Variants in RFPL4AL1 observed in about 807,000 individuals in gnomAD.
RFPL4AL1 encodes the protein ret finger protein like 4A like 1, also known as ret finger protein-like 4A-like protein 1.
Under a neutral mutation model 8.2 loss-of-function variants are expected in RFPL4AL1, and 2 were observed. That is an observed-to-expected ratio of 0.24 (90% confidence interval 0.10 to 0.77). The LOEUF is 0.77. Ranked by LOEUF, RFPL4AL1 falls within the 30% of genes least tolerant of loss-of-function variation. RFPL4AL1 has a pLI of 0.72. For synonymous variants in RFPL4AL1, 25 were observed against 131.8 expected (o/e 0.19, Z 5.55); for missense variants, 57 against 350.3 (o/e 0.16, Z 6.68).
chr19:55,769,427 T>C (rs1190953748), intron 1 of RFPL4AL1, among the ~76,000 whole-genome samples: 1 of 151,840 alleles, frequency 6.6e-6, no homozygotes, highest in Non-Finnish European at 1.5e-5. Flanking sequence ...TCTGAAATGA[T>C]GGACAGAGGT....
In RFPL4AL1 at chr19:55,771,908, T is replaced by C. The variant is rs1228492585; in HGVS notation, c.104T>C (p.Leu35Pro). Residue 35 changes from leucine to proline, a missense_variant, in exon 2 of 3, where the codon CTC becomes CCC. Transcript: ENST00000341750. The stretch of plus-strand genomic sequence containing the variant: ...GGATATGCCTGCTGCCTCCAGTGCC[T>C]CAATTCACTCCAGAAGGAGCCCGAT... ...KCGYACCLQC[L>P]NSLQKEPDGE... 4 of 1,541,984 alleles carry C rather than the reference T, an allele frequency of 2.6e-6. No homozygotes were observed. The highest frequency in any genetic ancestry group is 3.5e-6 in the Non-Finnish European group (4 of 1,142,438).
chr19:55,771,079 G>GTTTTTTTTTTTTTTTTTTTTTTT (rs1243816491), intron 1 of RFPL4AL1, among the ~76,000 whole-genome samples: 1 of 89,520 alleles, frequency 1.1e-5, no homozygotes, highest in Non-Finnish European at 2.5e-5. Flanking sequence ...TTTTAGTTCT[G>GTTTTTTTTTTTTTTTTTTTTTTT]TTTTTTGTTT....
chr19:55,771,079 G>GTTTTTTTTTTTTTTTTTTTTTTTTTT (rs1243816491), intron 1 of RFPL4AL1, among the ~76,000 whole-genome samples: 6 of 89,510 alleles, frequency 6.7e-5, no homozygotes, highest in Non-Finnish European at 1.0e-4. Context: ...TTTTAGTTCT[G>GTTTTTTTTTTTTTTTTTTTTTTTTTT]TTTTTTGTTT....
chr19:55,769,697 T>A (rs531185289), intron 1 of RFPL4AL1, among the ~76,000 whole-genome samples: 1 of 151,948 alleles, frequency 6.6e-6, no homozygotes, highest in African/African-American at 2.4e-5. Flanking sequence ...ATTATTTCTT[T>A]AATTGTTTTG....
chr19:55,771,734 ACTATCAG>A, intron 1 of RFPL4AL1, 55 bp from the exon 2 acceptor site: 2 of 1,545,248 alleles, frequency 1.3e-6, no homozygotes, highest in Non-Finnish European at 1.7e-6. Flanking sequence ...AGCCCCAAAC[ACTATCAG>A]CTGTTCATTC....
At chr19:55,769,494 A>T (rs1989449596) in intron 1 of RFPL4AL1, among the ~76,000 whole-genome samples, 1 of 149,582 alleles carries the variant, frequency 6.7e-6, no homozygotes, top group African/African-American at 2.5e-5. Context: ...TTGTTTTCCT[A>T]TTCTCCCCTT....
intron 1 of RFPL4AL1, among the ~76,000 whole-genome samples, chr19:55,771,017 T>A (rs1408974894): frequency 1.3e-5 from 2 of 152,026 alleles, no homozygotes; most frequent in African/African-American, 4.8e-5. Flanking sequence ...ATATTCCTTA[T>A]ATATTTTGGA....
At chr19:55,771,086 G>GGTTTTTTTTTTTTTTTTTTTTTTTTTT (rs1555799526) in intron 1 of RFPL4AL1, among the ~76,000 whole-genome samples, 3 of 130,380 alleles carry the variant, frequency 2.3e-5, no homozygotes, top group Non-Finnish European at 3.2e-5. Flanking sequence ...TCTGTTTTTT[G>GGTTTTTTTTTTTTTTTTTTTTTTTTTT]TTTTTTTTTT....
Position 55,772,799 on chromosome 19 carries a change from G to A in RFPL4AL1, c.484G>A (p.Val162Met), listed in dbSNP as rs759968968. The change falls in exon 3 of 3, where the codon GTG (valine) becomes ATG (methionine). Residue 162 changes from valine (V) to methionine (M), a missense_variant. Transcript: ENST00000341750. ...YWEVDVGTSQ[V>M]WDVGVCKESV... ...GGAGGTGGACGTGGGCACCAGCCAA[G>A]TGTGGGATGTGGGCGTGTGCAAGGA... 7.9e-5 allele frequency: 122 copies of A among 1,548,926 alleles called. 1 individual carries two copies. Among genetic ancestry groups the A allele is most frequent in the Non-Finnish European group, 1.0e-4 (117 of 1,145,726 alleles).
chr19:55,770,216 T>G (rs939021309), intron 1 of RFPL4AL1, among the ~76,000 whole-genome samples: 1 of 152,004 alleles, frequency 6.6e-6, no homozygotes, highest in Non-Finnish European at 1.5e-5. Context: ...TCTTTTGTCT[T>G]TTTGATCATA....
chr19:55,769,902 G>GTC (rs1989458027), intron 1 of RFPL4AL1, among the ~76,000 whole-genome samples: 1 of 151,132 alleles, frequency 6.6e-6, no homozygotes. Context: ...TCTTTTTTAT[G>GTC]GTAGAATAAT....
intron 1 of RFPL4AL1, among the ~76,000 whole-genome samples, chr19:55,769,546 A>ATT (rs61620824): frequency 1.5e-3 from 215 of 148,004 alleles, no homozygotes; most frequent in Admixed American, 2.8e-3. Flanking sequence ...TTATTTTCTG[A>ATT]TTTTTTTTTT....
chr19:55,771,086 G>T (rs2059149), intron 1 of RFPL4AL1, among the ~76,000 whole-genome samples: 18,811 of 127,850 alleles, frequency 0.15, 112 homozygotes, highest in South Asian at 0.25. Flanking sequence ...TCTGTTTTTT[G>T]TTTTTTTTTT....
In RFPL4AL1 at chr19:55,771,086, G is replaced by GGTTTTTT. The variant is rs1555799526; in HGVS notation, c.-9-710_-9-709insGTTTTTT. Among the ~76,000 whole-genome samples the GGTTTTTT allele has an allele frequency of 1.5e-5, 2 of 130,380 alleles. 1 individual carries two copies. 85.5% of individuals were successfully genotyped at this position (130,380 alleles called of 152,430 possible). A position where few individuals can be genotyped will look rare whatever the true frequency, so the allele number is the denominator to read the frequency against. On this transcript the variant is annotated intron_variant, in intron 1 of 2. Coordinates refer to ENST00000341750, the MANE Select transcript of RFPL4AL1 (RefSeq NM_001277397.2). ...TTGGTTTCTTTTAGTTCTGTTTTTT[G>GGTTTTTT]TTTTTTTTTTTTTTTTTTTCCGCTA...
At position 55,771,086 on chromosome 19, in the gene RFPL4AL1, GT is replaced by G. The variant is rs74183507; in HGVS notation, c.-9-691del. On this transcript the variant is annotated intron_variant, in intron 1 of 2. Transcript: ENST00000341750. ...TTGGTTTCTTTTAGTTCTGTTTTTT[GT>G]TTTTTTTTTTTTTTTTTTCCGCTAT... is the stretch of plus-strand genomic sequence containing the variant. Among the ~76,000 whole-genome samples the G allele has an allele frequency of 7.1e-3, 926 of 130,334 alleles. 25 individuals are homozygous for G. Among genetic ancestry groups the G allele is most frequent in the African/African-American group, 0.026 (840 of 32,630 alleles). The allele number at this position is 130,334 out of a possible 152,430, so 85.5% of individuals were successfully genotyped here.
chr19:55,772,146 T>G, intron 2 of RFPL4AL1, 56 bp downstream of exon 2: 1 of 1,470,294 alleles, frequency 6.8e-7, no homozygotes. Flanking sequence ...AAAACGACTT[T>G]CAAACATTTC....
At chr19:55,769,971 T>C (rs1235902490) in intron 1 of RFPL4AL1, among the ~76,000 whole-genome samples, 2 of 152,020 alleles carry the variant, frequency 1.3e-5, no homozygotes, top group African/African-American at 4.8e-5. Context: ...TGGGGTTGTT[T>C]CCATGGCTGT....
intron 1 of RFPL4AL1, among the ~76,000 whole-genome samples, chr19:55,769,814 C>T (rs1415328535): frequency 6.6e-6 from 1 of 151,706 alleles, no homozygotes; most frequent in African/African-American, 2.4e-5. Flanking sequence ...ACAGTGTTTA[C>T]TTCCCTCAGC....
rs1989528713 is a variant in RFPL4AL1, at chr19:55,772,840, G to C, written c.525G>C (p.Gln175His). 1.3e-6 allele frequency: 2 copies of C among 1,550,770 alleles called. No individual in the cohort carries two copies. The highest frequency in any genetic ancestry group is 1.7e-6 in the Non-Finnish European group (2 of 1,146,638). The change falls in exon 3 of 3, where the codon CAG becomes CAC. Residue 175 changes from glutamine (Q) to histidine (H), a missense_variant. Physicochemically the swap from Gln to His is conservative, Grantham distance 24. Transcript: ENST00000341750. ...TGTGCAAGGAATCTGTCAACCGACA[G>C]GGGAAGATTGAGCTTTCTTCAGAAC... ...VGVCKESVNR[Q>H]GKIELSSEHG...
Sources: gnomAD v4.1 joint callset for allele counts (sites outside exome capture counted in the v4.1 genomes callset) on GRCh38, gnomAD v4.1.1 for gene constraint, MANE v1.5 for transcripts, NCBI Gene and HGNC (gene_info 2026-07-23, HGNC 2026-07-21) for gene names.